Variants in SLC25A44 observed in about 807,000 individuals in gnomAD.
SLC25A44 encodes the protein solute carrier family 25 member 44.
SLC25A44 carries 17 observed loss-of-function variants against 29.9 expected under a neutral mutation model. The ratio of observed to expected loss-of-function variants is 0.57; its 90% CI spans 0.39 to 0.85. The LOEUF (loss-of-function observed/expected upper bound fraction) is 0.85. SLC25A44 is among the 40% of genes least tolerant of loss of function. SLC25A44 has a pLI of 0.00. For synonymous variants in SLC25A44, 140 were observed against 151.8 expected (o/e 0.92, Z 0.57); for missense variants, 302 against 398.4 (o/e 0.76, Z 2.06).
In SLC25A44 at chr1:156,200,075, G is replaced by C. The variant is rs1371385019; in HGVS notation, c.228G>C (p.Gly76=). Reference sequence around the variant, plus strand: ...ATGGTATCACTGGCCTCTACCGAGGGTTCCTGGTCAATACCTTCACCCTCA... The same window carrying C: ...ATGGTATCACTGGCCTCTACCGAGGCTTCCTGGTCAATACCTTCACCCTCA... ...RADGITGLYR[G]FLVNTFTLIS... Residue 76 remains glycine (G), a synonymous_variant, in exon 2 of 4, where the codon GGG becomes GGC. Coordinates refer to ENST00000359511, the MANE Select transcript of SLC25A44 (RefSeq NM_014655.4). The C allele has an allele frequency of 6.2e-7, 1 of 1,614,124 alleles. No individual in the cohort carries two copies. Among genetic ancestry groups the C allele is most frequent in the African/African-American group, 1.3e-5 (1 of 75,028 alleles).
chr1:156,211,943 A>G lies in SLC25A44; in HGVS notation c.*1512A>G, dbSNP rs748188454. The G allele has an allele frequency of 6.5e-6, 1 of 152,760 alleles. No individual in the cohort carries two copies. The highest frequency in any genetic ancestry group is 1.5e-5 in the Non-Finnish European group (1 of 68,048). The allele number at this position is 152,760 out of a possible 1,614,324, so 9.5% of individuals were successfully genotyped here. ...TGATATTTCTTCATGGCTGCCGCAC[A>G]TTCTTCCACCTTGGCCAGAACAGGT... is the stretch of plus-strand genomic sequence containing the variant. On this transcript the variant is annotated 3_prime_UTR_variant, in exon 4 of 4. Coordinates refer to ENST00000359511, the MANE Select transcript of SLC25A44 (RefSeq NM_014655.4).
At chr1:156,194,570 T>C (rs965662359) in intron 1 of SLC25A44, among the ~76,000 whole-genome samples, 2 of 152,086 alleles carry the variant, frequency 1.3e-5, no homozygotes, top group African/African-American at 4.8e-5. Flanking sequence ...TGGGTACCTA[T>C]GGAAGACCAA....
At chr1:156,202,480 A>G (rs534213565) in intron 2 of SLC25A44, among the ~76,000 whole-genome samples, 1 of 152,216 alleles carries the variant, frequency 6.6e-6, no homozygotes, top group South Asian at 2.1e-4. Flanking sequence ...GTAGTGCACA[A>G]TTCCTCAACC....
intron 3 of SLC25A44, among the ~76,000 whole-genome samples, chr1:156,209,005 G>A (rs1262820689): frequency 1.3e-5 from 2 of 152,206 alleles, no homozygotes; most frequent in African/African-American, 4.8e-5. Flanking sequence ...GTTATGGTGA[G>A]GGGAGGAGGG....
At chr1:156,197,317 G>A (rs746413458) in intron 1 of SLC25A44, 1 of 152,160 alleles carries the variant, frequency 6.6e-6, no homozygotes, top group African/African-American at 2.4e-5. Flanking sequence ...TTGTTCTAGG[G>A]GTTCTCTTGA....
At chr1:156,201,804 G>A (rs906422268) in intron 2 of SLC25A44, among the ~76,000 whole-genome samples, 3 of 151,978 alleles carry the variant, frequency 2.0e-5, no homozygotes, top group Non-Finnish European at 4.4e-5. Context: ...TGTTAAAAAA[G>A]CTTCCCAGGA....
At chr1:156,203,993 C>T (rs1656763201) in intron 2 of SLC25A44, among the ~76,000 whole-genome samples, 1 of 151,126 alleles carries the variant, frequency 6.6e-6, no homozygotes, top group Admixed American at 6.6e-5. Context: ...CATGAGCCAC[C>T]GCGCCTGGCC....
intron 2 of SLC25A44, among the ~76,000 whole-genome samples, chr1:156,203,963 C>T (rs542483303): frequency 6.6e-6 from 1 of 151,582 alleles, no homozygotes; most frequent in Admixed American, 6.6e-5. Flanking sequence ...CTCGGCCTCC[C>T]GAAGTGCAGG....
chr1:156,200,525 G>A (rs1656499107), intron 2 of SLC25A44, 53 bp downstream of exon 2: 1 of 1,498,072 alleles, frequency 6.7e-7, no homozygotes, highest in Non-Finnish European at 9.0e-7. Flanking sequence ...TAATGGGGCT[G>A]AGATACTGTT....
At chr1:156,197,871 T>C (rs1307459377) in intron 1 of SLC25A44, 1 of 152,252 alleles carries the variant, frequency 6.6e-6, no homozygotes, top group Non-Finnish European at 1.5e-5. Context: ...AGTACTCAGT[T>C]TGCACTGCAG....
In SLC25A44 at chr1:156,194,880, TA is replaced by T. The variant is rs1656108880; in HGVS notation, c.-14+634del. ...ATGATTTGATTTGAAAAGATCTGAT[TA>T]TTATAAAAGTTTGGTTCTTATTCAG... On this transcript the variant is annotated intron_variant, in intron 1 of 3. Transcript: ENST00000359511. 2.0e-5 allele frequency among the ~76,000 whole-genome samples: 3 copies of T among 152,194 alleles called. No individual in the cohort carries two copies. The South Asian group carries it at 6.2e-4, about 32-fold the overall frequency.
chr1:156,208,528 A>C (rs1445644172), intron 3 of SLC25A44, among the ~76,000 whole-genome samples: 1 of 151,954 alleles, frequency 6.6e-6, no homozygotes, highest in Non-Finnish European at 1.5e-5. Context: ...AATGCTTCTC[A>C]CTCTGTCTGC....
At chr1:156,202,581 C>T (rs1405826106) in intron 2 of SLC25A44, among the ~76,000 whole-genome samples, 2 of 152,198 alleles carry the variant, frequency 1.3e-5, no homozygotes, top group East Asian at 1.9e-4. Context: ...GCAATCATGA[C>T]TTACCTTAAG....
At chr1:156,200,608 CAGGA>C in intron 2 of SLC25A44, 136 bp downstream of exon 2, 4 of 854,030 alleles carry the variant, frequency 4.7e-6, no homozygotes, top group Non-Finnish European at 7.2e-6. Context: ...TGTTTGAATC[CAGGA>C]GGATTTAAAG....
chr1:156,207,604 C>T (rs1413984379), intron 2 of SLC25A44, among the ~76,000 whole-genome samples: 3 of 152,068 alleles, frequency 2.0e-5, no homozygotes, highest in African/African-American at 7.2e-5. Flanking sequence ...GAGCCATGAT[C>T]ATGCCACTGC....
At chr1:156,203,867 CT>C (rs905476276) in intron 2 of SLC25A44, among the ~76,000 whole-genome samples, 28 of 151,806 alleles carry the variant, frequency 1.8e-4, no homozygotes, top group African/African-American at 6.5e-4. Flanking sequence ...CCATGCCCAG[CT>C]AAGTTTTTTG....
chr1:156,200,077 T>C lies in SLC25A44; in HGVS notation c.230T>C (p.Phe77Ser). 2 of 1,614,168 alleles carry C rather than the reference T, an allele frequency of 1.2e-6. No individual in the cohort carries two copies. Among genetic ancestry groups the C allele is most frequent in the Non-Finnish European group, 1.7e-6 (2 of 1,180,026 alleles). The change falls in exon 2 of 4, where the codon TTC becomes TCC. Residue 77 changes from phenylalanine (F) to serine (S), a missense_variant. Physicochemically the swap from Phe to Ser is radical, Grantham distance 155. Transcript: ENST00000359511. Reference protein sequence around the residue: ...ADGITGLYRGFLVNTFTLISG... With the variant: ...ADGITGLYRGSLVNTFTLISG... ...GGTATCACTGGCCTCTACCGAGGGT[T>C]CCTGGTCAATACCTTCACCCTCATC...
chr1:156,209,564 G>A lies in SLC25A44; in HGVS notation c.754-676G>A, dbSNP rs140824916. Among the ~76,000 whole-genome samples, 117 of 152,270 alleles carry A rather than the reference G, an allele frequency of 7.7e-4. No homozygotes were observed. In the Middle Eastern group the frequency reaches 0.01, roughly 13 times the overall value. On this transcript the variant is annotated intron_variant, in intron 3 of 3. Coordinates refer to ENST00000359511, the MANE Select transcript of SLC25A44 (RefSeq NM_014655.4). ...TGGTTTCTAAAGGTGTAGTTTAGGG[G>A]TTGGGGAGGGTGTGGGACTGTTGAG...
In SLC25A44 at chr1:156,212,756, A is replaced by C; in HGVS notation, c.*2325A>C. On this transcript the variant is annotated 3_prime_UTR_variant, in exon 4 of 4. Transcript: ENST00000359511. ...GAATATTCACTGTTGCACTGTACGA[A>C]GTCTCTGAAATGTAATTAAAAGTTT... 2.0e-6 allele frequency: 1 copy of C among 510,928 alleles called. No homozygotes were observed. The highest frequency in any genetic ancestry group is 3.5e-6 in the Non-Finnish European group (1 of 281,748). The allele number at this position is 510,928 out of a possible 1,614,324, so 31.6% of individuals were successfully genotyped here.
Sources: gnomAD v4.1 joint callset for allele counts (sites outside exome capture counted in the v4.1 genomes callset) on GRCh38, gnomAD v4.1.1 for gene constraint, MANE v1.5 for transcripts, NCBI Gene and HGNC (gene_info 2026-07-23, HGNC 2026-07-21) for gene names.